DPP6: variants seen among roughly 807,000 people sequenced by gnomAD.
DPP6 encodes A-type potassium channel modulatory protein DPP6.
DPP6 carries 69 observed loss-of-function variants against 122.6 expected under a neutral mutation model. That is an observed-to-expected ratio of 0.56 (90% confidence interval 0.46 to 0.69). DPP6 has a LOEUF of 0.69. Among genes scored for constraint, DPP6 ranks in the 30% least tolerant of loss-of-function variants. The pLI is 0.00. For missense variants in DPP6, 928 were observed against 1,116.9 expected, an observed-to-expected ratio of 0.83 and a Z score of 2.41; for synonymous variants, 418 against 433.1, an observed-to-expected ratio of 0.97 and a Z score of 0.43.
At position 154,241,726 on chromosome 7, in the gene DPP6, C is replaced by T. The variant is rs531125478; in HGVS notation, c.243+188663C>T. The stretch of plus-strand genomic sequence containing the variant: ...ATCTTGAAATTTCCCGAAGCTAACA[C>T]GTGTCTAACCTGTTTCCCATATTAT... On this transcript the variant is annotated intron_variant, in intron 1 of 25. Coordinates refer to ENST00000377770, the MANE Select transcript of DPP6 (RefSeq NM_130797.4). The surrounding 1 kb of genome is among the most constrained non-coding windows in gnomAD (Gnocchi z 9.0). Among the ~76,000 whole-genome samples the T allele has an allele frequency of 3.9e-5, 6 of 152,254 alleles. No individual in the cohort carries two copies. Among genetic ancestry groups the T allele is most frequent in the East Asian group, 1.9e-4 (1 of 5,184 alleles).
chr7:154,147,495 T>TTCCTTCCTTCCTTTC (rs1385884647), intron 1 of DPP6, among the ~76,000 whole-genome samples: 1 of 150,522 alleles, frequency 6.6e-6, no homozygotes, highest in African/African-American at 2.5e-5. Flanking sequence ...CCTTCCTTTC[T>TTCCTTCCTTCCTTTC]TTTTCTGTCG....
rs115048592 is a variant in DPP6, at chr7:154,192,471, G to A, written c.243+139408G>A. 6.7e-3 allele frequency among the ~76,000 whole-genome samples: 1,019 copies of A among 152,340 alleles called. 16 individuals are homozygous for A. Among genetic ancestry groups the A allele is most frequent in the African/African-American group, 0.024 (981 of 41,576 alleles). Reference sequence around the variant, plus strand: ...CACTGCAGAGGCAATTAGGGCAGAGGCCTTAATAAGAAGGCCTCCACTGAA... The same window carrying A: ...CACTGCAGAGGCAATTAGGGCAGAGACCTTAATAAGAAGGCCTCCACTGAA... On this transcript the variant is annotated intron_variant, in intron 1 of 25. Coordinates refer to ENST00000377770, the MANE Select transcript of DPP6 (RefSeq NM_130797.4).
intron 1 of DPP6, among the ~76,000 whole-genome samples, chr7:153,926,253 T>G (rs975602944): frequency 6.6e-6 from 1 of 152,194 alleles, no homozygotes; most frequent in Non-Finnish European, 1.5e-5. Flanking sequence ...TACAAGTAAA[T>G]CACATCGAAG....
At chr7:153,886,252 G>A (rs149474495), upstream of DPP6, among the ~76,000 whole-genome samples, 63 of 152,144 alleles carry the variant, frequency 4.1e-4, no homozygotes, top group East Asian at 0.012. Flanking sequence ...CTGGGAGCGC[G>A]CATCTGTGTG....
Position 154,893,272 on chromosome 7 carries a change from A to C in DPP6, c.*792A>C. ...TTCAGACGTCTTGGGGACGTTCCTA[A>C]ACACTGAGGGGGAAGACAGCCAATA... is the stretch of plus-strand genomic sequence containing the variant. On this transcript the variant is annotated 3_prime_UTR_variant, in exon 26 of 26. Transcript: ENST00000377770. 4.0e-6 allele frequency: 1 copy of C among 252,048 alleles called. No homozygotes were observed. Among genetic ancestry groups the C allele is most frequent in the Non-Finnish European group, 7.9e-6 (1 of 127,108 alleles). 15.6% of individuals were successfully genotyped at this position (252,048 alleles called of 1,614,324 possible).
intron 16 of DPP6, among the ~76,000 whole-genome samples, chr7:154,824,272 G>GT (rs77495192): frequency 8.7e-4 from 7 of 8,074 alleles, no homozygotes; most frequent in Non-Finnish European, 2.2e-3. Context: ...TTGTTGTTTT[G>GT]TTTGTTTGTT....
the DPP6 span, among the ~76,000 whole-genome samples, chr7:153,859,970 G>A: frequency 1.6e-4 from 24 of 152,192 alleles, no homozygotes; most frequent in Non-Finnish European, 2.9e-4. Flanking sequence ...AGAACTCATG[G>A]TGAGATTTGG....
chr7:154,637,770 G>A (rs896903107), intron 5 of DPP6, 51 bp from the exon 6 acceptor site: 19 of 1,520,652 alleles, frequency 1.2e-5, no homozygotes, highest in African/African-American at 8.3e-5. Context: ...AAATATCATC[G>A]TAACAGCCTT....
At chr7:154,395,298 A>G (rs774701958) in intron 1 of DPP6, among the ~76,000 whole-genome samples, 4 of 152,194 alleles carry the variant, frequency 2.6e-5, no homozygotes, top group Middle Eastern at 3.2e-3. Flanking sequence ...TTAGGTTTCA[A>G]CATACAAATT....
At chr7:154,141,550 G>A (rs1296703720) in intron 1 of DPP6, among the ~76,000 whole-genome samples, 3 of 152,180 alleles carry the variant, frequency 2.0e-5, no homozygotes, top group Admixed American at 6.5e-5. Context: ...TCAGCCAGTC[G>A]ATGCAGGTGA....
intron 4 of DPP6, among the ~76,000 whole-genome samples, chr7:154,555,367 C>CA (rs1318122864): frequency 2.0e-5 from 3 of 151,510 alleles, no homozygotes; most frequent in Non-Finnish European, 4.4e-5. Context: ...ATTGCAAGGA[C>CA]AAAAAACCAA....
intron 3 of DPP6, among the ~76,000 whole-genome samples, chr7:154,479,557 C>CAAAAAA (rs35103324): frequency 7.7e-5 from 7 of 91,188 alleles, no homozygotes; most frequent in African/African-American, 1.8e-4. Flanking sequence ...GACTCCATCT[C>CAAAAAA]AAAAAAAAAA....
chr7:154,702,948 T>A (rs1415775970), intron 7 of DPP6, among the ~76,000 whole-genome samples: 5 of 152,228 alleles, frequency 3.3e-5, no homozygotes, highest in African/African-American at 1.2e-4. Context: ...GACTCTCTTC[T>A]TAGGGGTTGA....
intron 5 of DPP6, among the ~76,000 whole-genome samples, chr7:154,572,607 C>A (rs1371892735): frequency 6.9e-6 from 1 of 145,544 alleles, no homozygotes; most frequent in Non-Finnish European, 1.5e-5. Flanking sequence ...ACCTCCCCAT[C>A]CCAGGTTCAA....
At chr7:154,822,615 C>T (rs549444749) in intron 16 of DPP6, among the ~76,000 whole-genome samples, 19 of 152,214 alleles carry the variant, frequency 1.2e-4, no homozygotes, top group Admixed American at 7.2e-4. Context: ...ACAAGAAGAC[C>T]CAGTGAAAGC....
chr7:154,402,857 C>A (rs286834), intron 1 of DPP6, among the ~76,000 whole-genome samples: 1 of 152,098 alleles, frequency 6.6e-6, no homozygotes, highest in African/African-American at 2.4e-5. Flanking sequence ...ATTGGGAAAG[C>A]AATAAGGCTG....
chr7:154,889,064 A>G (rs545753301), intron 23 of DPP6, among the ~76,000 whole-genome samples: 119 of 152,240 alleles, frequency 7.8e-4, no homozygotes, highest in African/African-American at 2.4e-3. Flanking sequence ...ACAAGATGAG[A>G]TTTGGGTGGG....
intron 3 of DPP6, among the ~76,000 whole-genome samples, chr7:154,479,992 T>G (rs1217103585): frequency 6.6e-6 from 1 of 152,096 alleles, no homozygotes; most frequent in African/African-American, 2.4e-5. Context: ...ACACTGCCGC[T>G]GGCTCTTCCT....
At position 154,589,277 on chromosome 7, in the gene DPP6, T is replaced by C. The variant is rs555333360; in HGVS notation, c.627+22361T>C. ...ATTTTGTTTGAAAAAATTCAGGGAT[T>C]GAAGGGATATTGACATGTACCTAGT... On this transcript the variant is annotated intron_variant, in intron 5 of 25. Coordinates refer to ENST00000377770, the MANE Select transcript of DPP6 (RefSeq NM_130797.4). Among the ~76,000 whole-genome samples, 14 of 152,296 alleles carry C rather than the reference T, an allele frequency of 9.2e-5. No homozygotes were observed. In the South Asian group the frequency reaches 2.9e-3, roughly 32 times the overall value.
Sources: gnomAD v4.1 joint callset for allele counts (sites outside exome capture counted in the v4.1 genomes callset) on GRCh38, gnomAD v4.1.1 for gene constraint, Gnocchi (gnomAD v3.1) non-coding constraint, MANE v1.5 for transcripts, NCBI Gene and HGNC (gene_info 2026-07-23, HGNC 2026-07-21) for gene names.